The following LPAR3 variants were observed in gnomAD, a reference collection of about 807,000 sequenced individuals.
The protein encoded by LPAR3 is lysophosphatidic acid receptor 3.
LPAR3 carries 7 observed loss-of-function variants against 17.8 expected under a neutral mutation model. The ratio of observed to expected loss-of-function variants is 0.39; its 90% CI spans 0.22 to 0.74. The LOEUF (loss-of-function observed/expected upper bound fraction) is 0.74. LPAR3 is among the 30% of genes least tolerant of loss of function. The pLI is 0.40. For synonymous variants in LPAR3, 179 were observed against 179.9 expected (o/e 0.99, Z 0.04); for missense variants, 391 against 453.4 (o/e 0.86, Z 1.25).
chr1:84,843,290 G>A (rs1659540880), intron 2 of LPAR3, among the ~76,000 whole-genome samples: 2 of 152,206 alleles, frequency 1.3e-5, no homozygotes, highest in African/African-American at 4.8e-5. Context: ...CTGAGTAGGG[G>A]GTAGTAGTGT....
chr1:84,859,167 C>T (rs1570889074), intron 2 of LPAR3, among the ~76,000 whole-genome samples: 1 of 152,310 alleles, frequency 6.6e-6, no homozygotes, highest in African/African-American at 2.4e-5. Flanking sequence ...GAAAAAGACA[C>T]AGTACTGCAG....
At chr1:84,814,220 T>A in intron 2 of LPAR3, 49 bp from the exon 3 acceptor site, 1 of 1,499,834 alleles carries the variant, frequency 6.7e-7, no homozygotes, top group Non-Finnish European at 9.2e-7. Flanking sequence ...TTAGGGGACT[T>A]ATTCAGGTTT....
intron 2 of LPAR3, among the ~76,000 whole-genome samples, chr1:84,818,795 G>T (rs1040704305): frequency 5.3e-5 from 8 of 152,146 alleles, no homozygotes; most frequent in Admixed American, 2.0e-4. Flanking sequence ...ATATACGGAT[G>T]TAATGTTAGA....
chr1:84,838,624 T>C (rs190961014), intron 2 of LPAR3, among the ~76,000 whole-genome samples: 1 of 152,326 alleles, frequency 6.6e-6, no homozygotes, highest in East Asian at 1.9e-4. Context: ...CTGAATTAGT[T>C]TAATAGCCAA....
At chr1:84,827,770 C>T (rs1050817982) in intron 2 of LPAR3, among the ~76,000 whole-genome samples, 6 of 152,170 alleles carry the variant, frequency 3.9e-5, no homozygotes, top group Non-Finnish European at 7.3e-5. Context: ...GAATAAAGCA[C>T]ATTGAAAGGC....
chr1:84,818,823 T>C (rs1401742573), intron 2 of LPAR3, among the ~76,000 whole-genome samples: 4 of 152,356 alleles, frequency 2.6e-5, no homozygotes, highest in African/African-American at 4.8e-5. Context: ...TTGTTTAGAT[T>C]GATCTGTTTT....
rs895870486 is a variant in LPAR3 at position 84,823,682 on chromosome 1, C to T, written c.737-9511G>A. On this transcript the variant is annotated intron_variant, in intron 2 of 2. Coordinates refer to ENST00000370611, the MANE Select transcript of LPAR3 (RefSeq NM_012152.3). ...TAGACCTAATTCTAGTGTTTAACTACAGGCAACAGCTGGAAGTTATAAACC... is the reference window on the plus strand; with the variant it reads ...TAGACCTAATTCTAGTGTTTAACTATAGGCAACAGCTGGAAGTTATAAACC... Among the ~76,000 whole-genome samples, 31 of 152,178 alleles carry T rather than the reference C, an allele frequency of 2.0e-4. 1 individual carries two copies. The highest frequency in any genetic ancestry group is 7.5e-4 in the African/African-American group (31 of 41,434).
At chr1:84,850,393 C>CAAAAAAAAA (rs561506398) in intron 2 of LPAR3, among the ~76,000 whole-genome samples, 1 of 38,722 alleles carries the variant, frequency 2.6e-5, no homozygotes, top group Non-Finnish European at 4.8e-5. Flanking sequence ...TCTGTCTCTA[C>CAAAAAAAAA]AAAAAAAAAA....
chr1:84,889,022 T>C (rs1557612024), intron 1 of LPAR3, among the ~76,000 whole-genome samples: 1 of 151,852 alleles, frequency 6.6e-6, no homozygotes, highest in Non-Finnish European at 1.5e-5. Context: ...GACAGAATCA[T>C]GGGAGTAGGG....
intron 1 of LPAR3, among the ~76,000 whole-genome samples, chr1:84,866,572 T>G (rs894239275): frequency 6.6e-6 from 1 of 152,240 alleles, no homozygotes; most frequent in Non-Finnish European, 1.5e-5. Context: ...ATTATGTTAA[T>G]GCCTCCTCCT....
chr1:84,883,459 T>C (rs1660400252), intron 1 of LPAR3, among the ~76,000 whole-genome samples: 1 of 152,254 alleles, frequency 6.6e-6, no homozygotes, highest in African/African-American at 2.4e-5. Context: ...TTTAGCCAGC[T>C]GGGTTGAAAA....
chr1:84,861,113 T>C (rs1382521061), intron 2 of LPAR3, among the ~76,000 whole-genome samples: 1 of 152,222 alleles, frequency 6.6e-6, no homozygotes, highest in African/African-American at 2.4e-5. Context: ...CATTTTATCA[T>C]AAAGACATTT....
intron 1 of LPAR3, among the ~76,000 whole-genome samples, chr1:84,868,085 C>T (rs983069584): frequency 2.6e-5 from 4 of 152,010 alleles, no homozygotes; most frequent in Admixed American, 6.6e-5. Context: ...TCTGATACAT[C>T]TTGTGAAACT....
intron 2 of LPAR3, among the ~76,000 whole-genome samples, chr1:84,820,591 G>A (rs890018582): frequency 7.9e-5 from 12 of 152,190 alleles, no homozygotes; most frequent in Admixed American, 2.6e-4. Flanking sequence ...AGTCTGAGAG[G>A]TGAACACAGG....
chr1:84,840,852 G>T (rs1307166030), intron 2 of LPAR3, among the ~76,000 whole-genome samples: 1 of 152,244 alleles, frequency 6.6e-6, no homozygotes, highest in Non-Finnish European at 1.5e-5. Context: ...ATTAAGTATT[G>T]CATCCCTTGT....
intron 2 of LPAR3, among the ~76,000 whole-genome samples, chr1:84,860,734 ATTTT>A (rs35354113): frequency 0.079 from 9,012 of 113,560 alleles, 327 homozygotes; most frequent in African/African-American, 0.17. Context: ...TTAGGATTTA[ATTTT>A]TTTTTTTTTT....
chr1:84,856,229 G>A (rs2389788), intron 2 of LPAR3, among the ~76,000 whole-genome samples: 4,775 of 152,142 alleles, frequency 0.031, 116 homozygotes, highest in Non-Finnish European at 0.05. Flanking sequence ...ACAAAAGTAC[G>A]AACACCCCCG....
In LPAR3 at chr1:84,866,353, C is replaced by A. The variant is rs17116730; in HGVS notation, c.-18-215G>T. Among the ~76,000 whole-genome samples the A allele has an allele frequency of 6.6e-3, 1,008 of 152,264 alleles. 11 individuals carry two copies. Among genetic ancestry groups the A allele is most frequent in the Middle Eastern group, 0.027 (8 of 294 alleles). The stretch of plus-strand genomic sequence containing the variant: ...ACATTTTAATTGTTTGTTTCCCAGG[C>A]TAGGCCGCTCAGGTTAGGAGGGTGT... On this transcript the variant is annotated intron_variant, in intron 1 of 2. Transcript: ENST00000370611.
chr1:84,892,252 AATAAATAAAAAC>A (rs1249027607), intron 1 of LPAR3, among the ~76,000 whole-genome samples: 2 of 144,616 alleles, frequency 1.4e-5, no homozygotes, highest in African/African-American at 5.2e-5. Flanking sequence ...TAAATAAATA[AATAAATAAAAAC>A]TAACCTACAA....
Sources: allele counts gnomAD v4.1 joint callset (sites outside exome capture counted in the v4.1 genomes callset), GRCh38; gene constraint gnomAD v4.1.1; transcripts MANE v1.5; gene names NCBI Gene and HGNC (gene_info 2026-07-23, HGNC 2026-07-21).